The following USP22 variants were observed in gnomAD, a reference collection of about 807,000 sequenced individuals.
USP22 encodes the protein ubiquitin carboxyl-terminal hydrolase 22.
A neutral mutation model predicts 68.1 loss-of-function variants in USP22; 22 were observed. That is an observed-to-expected ratio of 0.32 (90% confidence interval 0.23 to 0.46). The LOEUF is 0.46. USP22 is among the 20% of genes least tolerant of loss of function. USP22 has a pLI of 1.00. For synonymous variants in USP22, 279 were observed against 274.2 expected (o/e 1.02, Z -0.17); for missense variants, 433 against 695.8 (o/e 0.62, Z 4.25).
intron 9 of USP22, among the ~76,000 whole-genome samples, chr17:21,007,316 C>A (rs1913811575): frequency 6.6e-6 from 1 of 152,170 alleles, no homozygotes; most frequent in Non-Finnish European, 1.5e-5. Context: ...CAAATTGTTC[C>A]TTTCACCAGA....
chr17:21,036,409 G>C (rs1972357338), intron 1 of USP22, among the ~76,000 whole-genome samples: 1 of 151,598 alleles, frequency 6.6e-6, no homozygotes, highest in Admixed American at 6.6e-5. Flanking sequence ...TACACATATA[G>C]GACACAACTC....
intron 1 of USP22, among the ~76,000 whole-genome samples, chr17:21,038,703 A>G (rs1260414889): frequency 2.0e-5 from 3 of 152,060 alleles, no homozygotes; most frequent in Non-Finnish European, 2.9e-5. Flanking sequence ...AAAAATTTAA[A>G]AAAGTGTTTT....
intron 11 of USP22, 40 bp from the exon 12 acceptor site, chr17:21,004,391 T>C (rs1192566751): frequency 2.5e-6 from 4 of 1,607,630 alleles, no homozygotes; most frequent in East Asian, 2.2e-5. Flanking sequence ...GCAGGTGACT[T>C]GATGCCGTCA....
At chr17:21,038,951 A>G (rs1972391064) in intron 1 of USP22, among the ~76,000 whole-genome samples, 2 of 152,002 alleles carry the variant, frequency 1.3e-5, no homozygotes, top group African/African-American at 4.8e-5. Context: ...AATCATGGAA[A>G]TAGTTTTTTT....
At chr17:21,035,631 T>C (rs555926147) in intron 1 of USP22, among the ~76,000 whole-genome samples, 27 of 151,842 alleles carry the variant, frequency 1.8e-4, no homozygotes, top group Non-Finnish European at 2.1e-4. Context: ...ACAGATAAAG[T>C]AGAAGCAAAA....
intron 12 of USP22, 32 bp downstream of exon 12, chr17:21,004,170 G>A (rs201788882): frequency 1.7e-4 from 269 of 1,609,298 alleles, no homozygotes; most frequent in Middle Eastern, 6.9e-4. Context: ...CGTAGCCACC[G>A]TAGGGCCTTC....
At chr17:21,030,695 C>T (rs1431520758) in intron 1 of USP22, among the ~76,000 whole-genome samples, 1 of 152,164 alleles carries the variant, frequency 6.6e-6, no homozygotes, top group East Asian at 1.9e-4. Context: ...AATGACTGAC[C>T]TGAGCTCTTC....
chr17:21,021,226 G>A lies in USP22; in HGVS notation c.305C>T (p.Ala102Val). The change falls in exon 3 of 13, where the codon GCC becomes GTC. Residue 102 changes from alanine to valine, a missense_variant and splice_region_variant. By Grantham distance (64) the Ala-to-Val change is moderately conservative. Coordinates refer to ENST00000261497, the MANE Select transcript of USP22 (RefSeq NM_015276.2). ...GATGCCTCCGTACATCAGATCAATG[G>A]CTGAGGAGAGAAAGGAGGGAGGAGA... ...EHAKAKRHNL[A>V]IDLMYGGIYC... is the part of the protein sequence containing the mutation. 1.3e-6 allele frequency: 2 copies of A among 1,598,186 alleles called. No individual in the cohort carries two copies. Among genetic ancestry groups the A allele is most frequent in the South Asian group, 2.2e-5 (2 of 90,706 alleles).
chr17:21,017,745 T>C (rs1397893225), intron 5 of USP22, among the ~76,000 whole-genome samples, 197 bp downstream of exon 5: 1 of 152,234 alleles, frequency 6.6e-6, no homozygotes, highest in Non-Finnish European at 1.5e-5. Context: ...GAGTCAGCAG[T>C]GCGTCCCCAA....
chr17:21,042,815 G>C lies in USP22; in HGVS notation c.21C>G (p.Pro7=), dbSNP rs897857856. 3 of 1,444,900 alleles carry C rather than the reference G, an allele frequency of 2.1e-6. No individual in the cohort carries two copies. Among genetic ancestry groups the C allele is most frequent in the Non-Finnish European group, 2.7e-6 (3 of 1,096,228 alleles). The allele number at this position is 1,444,900 out of a possible 1,614,324, so 89.5% of individuals were successfully genotyped here. The change falls in exon 1 of 13, where the codon CCC becomes CCG. Residue 7 remains proline, a synonymous_variant. Coordinates refer to ENST00000261497, the MANE Select transcript of USP22 (RefSeq NM_015276.2). The part of the protein sequence containing the change: MVSRPE[P]EGEAMDAELA... ...GCTCGGCGTCCATGGCCTCGCCCTC[G>C]GGCTCTGGCCGGGACACCATGGGGG...
intron 8 of USP22, among the ~76,000 whole-genome samples, chr17:21,010,080 G>C (rs537868407): frequency 2.0e-5 from 3 of 152,058 alleles, no homozygotes; most frequent in Non-Finnish European, 4.4e-5. Flanking sequence ...GGACACTGAG[G>C]CTGAGCCCAG....
At position 21,042,846 on chromosome 17, in the gene USP22, G is replaced by C; in HGVS notation, c.-11C>G. 7.9e-7 allele frequency: 1 copy of C among 1,264,416 alleles called. No individual in the cohort carries two copies. The allele number at this position is 1,264,416 out of a possible 1,614,324, so 78.3% of individuals were successfully genotyped here. On this transcript the variant is annotated 5_prime_UTR_variant, in exon 1 of 13. Transcript: ENST00000261497. Reference sequence around the variant, plus strand: ...TGGCCGGGACACCATGGGGGGCAAGGCCCGGCCGCGCGCGGGGGGCGGCGG... The same window carrying C: ...TGGCCGGGACACCATGGGGGGCAAGCCCCGGCCGCGCGCGGGGGGCGGCGG...
intron 8 of USP22, among the ~76,000 whole-genome samples, chr17:21,010,194 G>A (rs887060218): frequency 3.9e-5 from 6 of 152,086 alleles, no homozygotes; most frequent in Admixed American, 2.0e-4. Context: ...AACTTTGGTC[G>A]TGCTGACTAT....
chr17:21,009,520 T>C (rs1037187064), intron 8 of USP22, among the ~76,000 whole-genome samples: 14 of 152,186 alleles, frequency 9.2e-5, no homozygotes, highest in Non-Finnish European at 1.6e-4. Context: ...CCACATCATG[T>C]CTCTCCTAAC....
chr17:21,013,784 G>A (rs908607117), intron 6 of USP22, among the ~76,000 whole-genome samples: 7 of 152,200 alleles, frequency 4.6e-5, no homozygotes, highest in Admixed American at 6.5e-5. Context: ...AAAGAATGAT[G>A]AACAGAATGG....
chr17:21,015,060 G>A (rs1054959246), intron 6 of USP22, among the ~76,000 whole-genome samples: 1 of 152,194 alleles, frequency 6.6e-6, no homozygotes, highest in Non-Finnish European at 1.5e-5. Flanking sequence ...GACTTCAGCT[G>A]CAGGTCCCTC....
chr17:21,043,395 C>T (rs939089861), upstream of USP22: 12 of 345,984 alleles, frequency 3.5e-5, no homozygotes, highest in African/African-American at 1.3e-4. Context: ...GGCGGCTAGA[C>T]GTTCCCTGTC....
At chr17:21,009,544 C>T (rs1913882681) in intron 8 of USP22, among the ~76,000 whole-genome samples, 1 of 152,198 alleles carries the variant, frequency 6.6e-6, no homozygotes, top group African/African-American at 2.4e-5. Context: ...ACAGGCTTCC[C>T]ACACATTGTA....
chr17:21,008,692 G>A (rs891994943), intron 8 of USP22, among the ~76,000 whole-genome samples: 5 of 152,174 alleles, frequency 3.3e-5, no homozygotes, highest in African/African-American at 1.2e-4. Context: ...GCACCACAGT[G>A]CTGAGGAGGT....
Sources: allele counts gnomAD v4.1 joint callset (sites outside exome capture counted in the v4.1 genomes callset), GRCh38; gene constraint gnomAD v4.1.1; transcripts MANE v1.5; gene names NCBI Gene and HGNC (gene_info 2026-07-23, HGNC 2026-07-21).